The following TMEM150C variants were observed in gnomAD, a reference collection of about 807,000 sequenced individuals.
The protein encoded by TMEM150C is tentonin 3.
A neutral mutation model predicts 29.9 loss-of-function variants in TMEM150C; 10 were observed. The ratio of observed to expected loss-of-function variants is 0.33; its 90% confidence interval spans 0.21 to 0.57. The LOEUF (loss-of-function observed/expected upper bound fraction) is 0.57. Among genes scored for constraint, TMEM150C ranks in the 20% least tolerant of loss-of-function variants. TMEM150C has a pLI of 0.88. For missense variants in TMEM150C, 251 were observed against 303.6 expected (o/e 0.83, Z 1.29); for synonymous variants, 101 against 112.5 (o/e 0.90, Z 0.64).
intron 1 of TMEM150C, among the ~76,000 whole-genome samples, chr4:82,557,518 G>A (rs1725770804): frequency 6.6e-6 from 1 of 152,076 alleles, no homozygotes; most frequent in Non-Finnish European, 1.5e-5. Context: ...CTGACTCTAA[G>A]AATACATGAT....
At position 82,500,316 on chromosome 4, in the gene TMEM150C, A is replaced by G. The variant is rs565307765; in HGVS notation, c.235+2411T>C. ...TTTCTTAAAGTCAGTTATGTAGACT[A>G]AAATAATAGTCTGAAGTCTAACAAG... On this transcript the variant is annotated intron_variant, in intron 5 of 7. Transcript: ENST00000449862. 2.0e-5 allele frequency among the ~76,000 whole-genome samples: 3 copies of G among 152,380 alleles called. No homozygotes were observed. The South Asian group carries it at 6.2e-4, about 32-fold the overall frequency.
chr4:82,516,153 C>T (rs1420353180), intron 1 of TMEM150C, among the ~76,000 whole-genome samples: 1 of 152,096 alleles, frequency 6.6e-6, no homozygotes, highest in East Asian at 1.9e-4. Context: ...GAGATGGGGA[C>T]CCGAGAAGCA....
chr4:82,561,743 G>GCCGCAGCCGAGCAGGGCC (rs927794198), intron 1 of TMEM150C, among the ~76,000 whole-genome samples, 163 bp downstream of exon 1: 2 of 147,230 alleles, frequency 1.4e-5, no homozygotes, highest in Non-Finnish European at 3.0e-5. Flanking sequence ...ATGGGAGGGG[G>GCCGCAGCCGAGCAGGGCC]CCGCAGCCGA....
chr4:82,560,851 CTGTT>C (rs768225834), intron 1 of TMEM150C, among the ~76,000 whole-genome samples: 2 of 152,142 alleles, frequency 1.3e-5, no homozygotes, highest in African/African-American at 2.4e-5. Flanking sequence ...GATCCAATAA[CTGTT>C]TGGTTTTGTT....
At chr4:82,527,198 T>A (rs1369566303) in intron 1 of TMEM150C, among the ~76,000 whole-genome samples, 1 of 151,920 alleles carries the variant, frequency 6.6e-6, no homozygotes, top group Non-Finnish European at 1.5e-5. Flanking sequence ...GTGTTTCCGG[T>A]GAGAATGGAC....
At chr4:82,528,197 T>C (rs1724716011) in intron 1 of TMEM150C, among the ~76,000 whole-genome samples, 1 of 152,180 alleles carries the variant, frequency 6.6e-6, no homozygotes, top group Non-Finnish European at 1.5e-5. Flanking sequence ...CAGGGAAGGC[T>C]CTGCAGGTGA....
intron 1 of TMEM150C, among the ~76,000 whole-genome samples, chr4:82,558,724 A>G (rs1017958846): frequency 6.6e-6 from 1 of 152,242 alleles, no homozygotes; most frequent in Non-Finnish European, 1.5e-5. Flanking sequence ...ACTTAGAACA[A>G]CTATGAAAAA....
chr4:82,533,282 C>A (rs1049718139), intron 1 of TMEM150C, among the ~76,000 whole-genome samples: 3 of 152,146 alleles, frequency 2.0e-5, no homozygotes, highest in African/African-American at 7.2e-5. Flanking sequence ...CTTTTTCTGA[C>A]AACTATCCTT....
chr4:82,554,159 A>T (rs4693456), intron 1 of TMEM150C, among the ~76,000 whole-genome samples: 12,672 of 152,226 alleles, frequency 0.083, 679 homozygotes, highest in Middle Eastern at 0.22. Context: ...AGGCAGAAAA[A>T]ATGTCACCCA....
At chr4:82,549,999 G>A (rs906162298) in intron 1 of TMEM150C, among the ~76,000 whole-genome samples, 1 of 152,186 alleles carries the variant, frequency 6.6e-6, no homozygotes, top group Admixed American at 6.5e-5. Context: ...TAAACACAAA[G>A]AAAAATGGAC....
chr4:82,537,563 T>C (rs548242689), intron 1 of TMEM150C, among the ~76,000 whole-genome samples: 1 of 152,276 alleles, frequency 6.6e-6, no homozygotes, highest in Non-Finnish European at 1.5e-5. Context: ...CTGAATTGTG[T>C]CCCTCCAGAG....
chr4:82,507,774 G>C (rs1288417770), intron 1 of TMEM150C, among the ~76,000 whole-genome samples: 1 of 73,348 alleles, frequency 1.4e-5, no homozygotes, highest in Non-Finnish European at 2.6e-5. Flanking sequence ...TTTGAGACAC[G>C]ATCTCGCTTT....
chr4:82,521,691 G>A (rs1273882629), intron 1 of TMEM150C, among the ~76,000 whole-genome samples: 3 of 152,210 alleles, frequency 2.0e-5, no homozygotes, highest in Non-Finnish European at 1.5e-5. Flanking sequence ...AATGCAAAAT[G>A]TTTGTGGAGA....
chr4:82,559,613 A>G (rs1315444500), intron 1 of TMEM150C, among the ~76,000 whole-genome samples: 2 of 152,162 alleles, frequency 1.3e-5, no homozygotes, highest in African/African-American at 4.8e-5. Context: ...GTCTAGTCCT[A>G]CGCTTTTCAT....
intron 5 of TMEM150C, among the ~76,000 whole-genome samples, chr4:82,501,611 A>G (rs567847060): frequency 6.6e-6 from 1 of 152,274 alleles, no homozygotes; most frequent in South Asian, 2.1e-4. Flanking sequence ...CAGGTTCAAG[A>G]GAGGCCTGAT....
intron 1 of TMEM150C, among the ~76,000 whole-genome samples, chr4:82,549,936 C>A (rs181417860): frequency 2.0e-5 from 3 of 152,184 alleles, no homozygotes; most frequent in African/African-American, 7.2e-5. Flanking sequence ...AAACCCTGGA[C>A]CCAAAGGAGG....
intron 5 of TMEM150C, among the ~76,000 whole-genome samples, chr4:82,497,196 C>T (rs564182940): frequency 1.4e-4 from 21 of 152,002 alleles, no homozygotes; most frequent in African/African-American, 4.1e-4. Context: ...CATATTTATA[C>T]GAAGAGTTGG....
intron 1 of TMEM150C, among the ~76,000 whole-genome samples, chr4:82,519,681 C>G (rs1724421561): frequency 6.6e-6 from 1 of 152,150 alleles, no homozygotes; most frequent in African/African-American, 2.4e-5. Flanking sequence ...CCCGCCTCGG[C>G]CTCCCAAAGT....
chr4:82,496,081 A>G lies in TMEM150C; in HGVS notation c.350T>C (p.Leu117Pro). 6.2e-7 allele frequency: 1 copy of G among 1,614,020 alleles called. No homozygotes were observed. The highest frequency in any genetic ancestry group is 8.5e-7 in the Non-Finnish European group (1 of 1,179,876). ...LCLASFGMTLLGNFQLTNDEE... is the reference protein window; with the variant it reads ...LCLASFGMTLPGNFQLTNDEE... Reference sequence around the variant, plus strand: ...CAAATCAAGTACCTGAAAATTACCAAGTAAGGTCATTCCGAAGGAAGCCAG... The same window carrying G: ...CAAATCAAGTACCTGAAAATTACCAGGTAAGGTCATTCCGAAGGAAGCCAG... The change falls in exon 6 of 8, where the codon CTT becomes CCT. Residue 117 changes from leucine (L) to proline (P), a missense_variant. Physicochemically the swap from Leu to Pro is moderately conservative, Grantham distance 98 (BLOSUM62 -3). Transcript: ENST00000449862.
Sources: gnomAD v4.1 joint callset for allele counts (sites outside exome capture counted in the v4.1 genomes callset) on GRCh38, gnomAD v4.1.1 for gene constraint, MANE v1.5 for transcripts, NCBI Gene and HGNC (gene_info 2026-07-23, HGNC 2026-07-21) for gene names.